Variants in CNTN5 observed in about 807,000 individuals in gnomAD.
CNTN5 encodes the protein contactin-5.
CNTN5 carries 77 observed loss-of-function variants against 129.1 expected under a neutral mutation model. The observed-to-expected ratio is 0.60, with a 90% CI of 0.50 to 0.72. CNTN5 has a LOEUF of 0.72. Ranked by LOEUF, CNTN5 falls within the 30% of genes least tolerant of loss-of-function variation. The probability of loss-of-function intolerance (pLI) is 0.00; values close to 1 mark genes in which losing one functional copy is unlikely to be tolerated. For synonymous variants in CNTN5, 509 were observed against 465.6 expected, an observed-to-expected ratio of 1.09 and a Z score of -1.20; for missense variants, 1,478 against 1,328.8, an observed-to-expected ratio of 1.11 and a Z score of -1.75.
intron 3 of CNTN5, among the ~76,000 whole-genome samples, chr11:99,808,348 G>A (rs1189385214): frequency 2.9e-5 from 3 of 103,692 alleles, no homozygotes; most frequent in African/African-American, 9.0e-5. Flanking sequence ...TGTCAGTTGA[G>A]GCTACAAAAA....
At chr11:100,167,944 T>A (rs558199911) in intron 13 of CNTN5, among the ~76,000 whole-genome samples, 208 of 151,922 alleles carry the variant, frequency 1.4e-3, no homozygotes, top group African/African-American at 4.9e-3. Context: ...ATGATAAGAG[T>A]GCACAACAGT....
chr11:99,515,844 A>C lies in CNTN5; in HGVS notation c.-70-40301A>C, dbSNP rs187281374. ...GTAAATATTCATTATATCAATTGCT[A>C]TTATCTCATACAAAATGAATAATTG... On this transcript the variant is annotated intron_variant, in intron 2 of 24. Coordinates refer to ENST00000524871, the MANE Select transcript of CNTN5 (RefSeq NM_014361.4). Among the ~76,000 whole-genome samples the C allele has an allele frequency of 5.3e-5, 8 of 152,056 alleles. No individual in the cohort carries two copies. The East Asian group carries it at 1.5e-3, about 29-fold the overall frequency.
intron 21 of CNTN5, chr11:100,308,689 G>A: frequency 1.8e-6 from 2 of 1,133,754 alleles, no homozygotes; most frequent in Non-Finnish European, 2.2e-6. Context: ...ATGCAAAGAT[G>A]TTTTTAAAAG....
At chr11:99,736,448 T>C (rs1943713919) in intron 3 of CNTN5, among the ~76,000 whole-genome samples, 1 of 152,154 alleles carries the variant, frequency 6.6e-6, no homozygotes, top group Non-Finnish European at 1.5e-5. Context: ...CTTCATCAGC[T>C]GCCCAAGAAG....
chr11:100,046,036 C>T (rs1015337904), intron 9 of CNTN5, among the ~76,000 whole-genome samples: 4 of 150,368 alleles, frequency 2.7e-5, no homozygotes, highest in Non-Finnish European at 5.9e-5. Context: ...ATACATGGGC[C>T]ATGCTGGTGT....
At chr11:100,135,713 T>A (rs1311995007) in intron 13 of CNTN5, among the ~76,000 whole-genome samples, 2 of 152,210 alleles carry the variant, frequency 1.3e-5, no homozygotes, top group Non-Finnish European at 2.9e-5. Context: ...TTCTGCTTTC[T>A]GATATTGGTG....
At chr11:99,265,422 G>C (rs1414437151) in intron 1 of CNTN5, among the ~76,000 whole-genome samples, 2 of 151,964 alleles carry the variant, frequency 1.3e-5, no homozygotes, top group Admixed American at 6.6e-5. Context: ...CTATTATTTG[G>C]TGCTCTAATT....
At chr11:100,262,883 T>A (rs962866628) in intron 17 of CNTN5, among the ~76,000 whole-genome samples, 122 of 152,074 alleles carry the variant, frequency 8.0e-4, no homozygotes, top group African/African-American at 2.2e-3. Flanking sequence ...GCATGTGTAT[T>A]CCTATGTAAC....
chr11:99,486,901 A>G (rs1331345458), intron 2 of CNTN5, among the ~76,000 whole-genome samples: 1 of 152,198 alleles, frequency 6.6e-6, no homozygotes, highest in East Asian at 1.9e-4. Flanking sequence ...AATGATGGGA[A>G]ATAAGGCTTA....
intron 23 of CNTN5, among the ~76,000 whole-genome samples, chr11:100,346,848 G>T (rs1952292224): frequency 6.6e-6 from 1 of 152,046 alleles, no homozygotes; most frequent in Admixed American, 6.6e-5. Flanking sequence ...AGTTTTAATG[G>T]ACTCACAGTT....
chr11:99,473,875 G>A (rs1333650528), intron 2 of CNTN5, among the ~76,000 whole-genome samples: 1 of 151,972 alleles, frequency 6.6e-6, no homozygotes, highest in African/African-American at 2.4e-5. Context: ...ACCATAGACA[G>A]TAAATATATT....
intron 2 of CNTN5, among the ~76,000 whole-genome samples, chr11:99,362,043 TG>T (rs1361734661): frequency 3.3e-5 from 5 of 152,148 alleles, no homozygotes; most frequent in Admixed American, 1.3e-4. Flanking sequence ...ACTTCCAAAC[TG>T]TTTCCCATAG....
At chr11:99,484,933 TG>T (rs1166589028) in intron 2 of CNTN5, among the ~76,000 whole-genome samples, 1 of 151,976 alleles carries the variant, frequency 6.6e-6, no homozygotes, top group Non-Finnish European at 1.5e-5. Flanking sequence ...AGGGGAGCAT[TG>T]GGAGAGATTT....
At chr11:99,365,722 C>T (rs1480411858) in intron 2 of CNTN5, among the ~76,000 whole-genome samples, 1 of 152,072 alleles carries the variant, frequency 6.6e-6, no homozygotes, top group Non-Finnish European at 1.5e-5. Flanking sequence ...TTTGGTATTT[C>T]CAATGCCTAG....
intron 1 of CNTN5, among the ~76,000 whole-genome samples, chr11:99,162,424 A>C (rs1240041549): frequency 1.3e-5 from 2 of 152,194 alleles, no homozygotes; most frequent in Non-Finnish European, 2.9e-5. Context: ...CTAAGCATGA[A>C]ATTAAGCATG....
At chr11:99,226,972 G>A (rs77367903) in intron 1 of CNTN5, among the ~76,000 whole-genome samples, 1,995 of 152,146 alleles carry the variant, frequency 0.013, 29 homozygotes, top group African/African-American at 0.044. Context: ...TTCACAGTAC[G>A]ACAAATTTAA....
chr11:99,983,742 T>C (rs1938498526), intron 8 of CNTN5, among the ~76,000 whole-genome samples: 1 of 151,944 alleles, frequency 6.6e-6, no homozygotes. Flanking sequence ...TTATGATGAG[T>C]GGGTAGGGTT....
At chr11:100,340,763 A>G in intron 22 of CNTN5, 114 bp downstream of exon 22, 1 of 950,222 alleles carries the variant, frequency 1.1e-6, no homozygotes. Context: ...TTTGATTCAT[A>G]GTCTTGCTTC....
intron 9 of CNTN5, among the ~76,000 whole-genome samples, chr11:100,007,017 T>C (rs1034262596): frequency 6.6e-6 from 1 of 152,096 alleles, no homozygotes; most frequent in Non-Finnish European, 1.5e-5. Flanking sequence ...ATGAGATGCA[T>C]TGTCAATGGA....
Sources: gnomAD v4.1 joint callset for allele counts (sites outside exome capture counted in the v4.1 genomes callset) on GRCh38, gnomAD v4.1.1 for gene constraint, MANE v1.5 for transcripts, NCBI Gene and HGNC (gene_info 2026-07-23, HGNC 2026-07-21) for gene names.